The following RFX4 variants were observed in gnomAD, a reference collection of about 807,000 sequenced individuals.
The protein encoded by RFX4 is transcription factor RFX4.
Under a neutral mutation model 95.0 loss-of-function variants are expected in RFX4, and 10 were observed. The ratio of observed to expected loss-of-function variants is 0.11; its 90% CI spans 0.06 to 0.18. RFX4 has a LOEUF of 0.18. Ranked by LOEUF, RFX4 falls within the 10% of genes least tolerant of loss-of-function variation. RFX4 has a pLI of 1.00. For synonymous variants in RFX4, 321 were observed against 340.7 expected (o/e 0.94, Z 0.64); for missense variants, 640 against 922.0 (o/e 0.69, Z 3.96).
chr12:106,678,258 G>A (rs920966383), intron 4 of RFX4, among the ~76,000 whole-genome samples: 3 of 152,094 alleles, frequency 2.0e-5, no homozygotes, highest in Non-Finnish European at 2.9e-5. Flanking sequence ...GGCAACCCCT[G>A]GTACCTTCAC....
intron 17 of RFX4, among the ~76,000 whole-genome samples, chr12:106,756,280 T>C (rs937603502): frequency 4.6e-5 from 7 of 152,206 alleles, no homozygotes; most frequent in Non-Finnish European, 8.8e-5. Context: ...AGTACATAGC[T>C]ACAAAATCTT....
At chr12:106,658,225 T>A (rs1274472088) in intron 4 of RFX4, among the ~76,000 whole-genome samples, 1 of 152,220 alleles carries the variant, frequency 6.6e-6, no homozygotes, top group Non-Finnish European at 1.5e-5. Flanking sequence ...AATAACCCTA[T>A]GAAACTGGTG....
At chr12:106,667,338 T>C (rs1256642157) in intron 4 of RFX4, among the ~76,000 whole-genome samples, 2 of 152,226 alleles carry the variant, frequency 1.3e-5, no homozygotes, top group African/African-American at 4.8e-5. Context: ...GATTAGGCTC[T>C]GGTTAACTAG....
rs528744530 is a variant in RFX4, at chr12:106,720,018, G to C, written c.1197G>C (p.Glu399Asp). 4.3e-6 allele frequency: 7 copies of C among 1,614,238 alleles called. No homozygotes were observed. The highest frequency in any genetic ancestry group is 1.6e-4 in the Middle Eastern group (1 of 6,062). ...AGTCTCCCATCGAGTCCTACATTGA[G>C]TGGCTGGATACCATGGTTGACCGCT... Reference protein sequence around the residue: ...EEQSPIESYIEWLDTMVDRCV... With the variant: ...EEQSPIESYIDWLDTMVDRCV... Residue 399 changes from glutamate (E) to aspartate (D), a missense_variant, in exon 12 of 18, where the codon GAG becomes GAC. Transcript: ENST00000392842. The surrounding 1 kb of genome is among the most constrained non-coding windows in gnomAD (Gnocchi z 4.2).
chr12:106,750,565 G>GA (rs931692783), intron 16 of RFX4, 90 bp from the exon 17 acceptor site: 52 of 1,261,164 alleles, frequency 4.1e-5, no homozygotes, highest in African/African-American at 1.2e-4. Context: ...GAAGAAAAAG[G>GA]AAAAAAAATA....
At chr12:106,622,920 C>T (rs2040213738) in intron 2 of RFX4, among the ~76,000 whole-genome samples, 1 of 151,886 alleles carries the variant, frequency 6.6e-6, no homozygotes, top group Admixed American at 6.6e-5. Context: ...GCACCCTGCC[C>T]AAATTGCATT....
At chr12:106,640,517 T>C (rs918477055) in intron 3 of RFX4, among the ~76,000 whole-genome samples, 7 of 152,222 alleles carry the variant, frequency 4.6e-5, no homozygotes, top group Non-Finnish European at 1.0e-4. Flanking sequence ...GCTTCAAGAA[T>C]AGCAAAGGTT....
rs576272194 is a variant in RFX4 at position 106,622,607 on chromosome 12, C to T, written c.130+13724C>T. Among the ~76,000 whole-genome samples the T allele has an allele frequency of 1.2e-3, 176 of 149,864 alleles. 1 individual carries two copies. Among genetic ancestry groups the T allele is most frequent in the Non-Finnish European group, 1.8e-3 (119 of 67,820 alleles). On this transcript the variant is annotated intron_variant, in intron 2 of 17. Coordinates refer to ENST00000392842, the MANE Select transcript of RFX4 (RefSeq NM_213594.3). Reference sequence around the variant, plus strand: ...ATTCAAATTCCCTTCAAGTCCTTAGCCCACTCCAAGCTGCATTTTTTTTTT... The same window carrying T: ...ATTCAAATTCCCTTCAAGTCCTTAGTCCACTCCAAGCTGCATTTTTTTTTT...
rs78879973 is a variant in RFX4, at chr12:106,660,086, C to T, written c.315+5735C>T. 7.1e-3 allele frequency among the ~76,000 whole-genome samples: 1,077 copies of T among 152,128 alleles called. 15 individuals carry two copies. The highest frequency in any genetic ancestry group is 0.024 in the African/African-American group (1,005 of 41,500). On this transcript the variant is annotated intron_variant, in intron 4 of 17. Transcript: ENST00000392842. The stretch of plus-strand genomic sequence containing the variant: ...CTCTGGGGTACTGAGTACTAACTCC[C>T]TCAGCACCCGGGTTCATCCATTTAT...
chr12:106,718,832 C>T (rs1443324449), intron 11 of RFX4, among the ~76,000 whole-genome samples: 1 of 151,904 alleles, frequency 6.6e-6, no homozygotes, highest in Non-Finnish European at 1.5e-5. Context: ...CACTTCCAGC[C>T]GGGCGTGGTG....
At chr12:106,647,779 A>C (rs1466418543) in intron 3 of RFX4, among the ~76,000 whole-genome samples, 3 of 152,228 alleles carry the variant, frequency 2.0e-5, no homozygotes, top group African/African-American at 7.2e-5. Flanking sequence ...CCCCCACAAT[A>C]AAGGGCCTCA....
intron 3 of RFX4, among the ~76,000 whole-genome samples, chr12:106,641,951 CTATCTATATCTA>C (rs1200972708): frequency 6.9e-6 from 1 of 144,674 alleles, no homozygotes; most frequent in African/African-American, 2.7e-5. Context: ...ATGTCTATAT[CTATCTATATCTA>C]TATCTATCTA....
intron 15 of RFX4, among the ~76,000 whole-genome samples, chr12:106,735,710 C>G (rs1054051000): frequency 3.3e-5 from 5 of 151,350 alleles, no homozygotes; most frequent in South Asian, 2.1e-4. Context: ...TTTTTTCCCC[C>G]GTGAGGACAT....
chr12:106,604,339 C>T (rs964621093), intron 1 of RFX4, among the ~76,000 whole-genome samples: 3 of 152,012 alleles, frequency 2.0e-5, no homozygotes, highest in East Asian at 3.9e-4. Context: ...CCAGGCTGGT[C>T]TTGAACTCCT....
intron 2 of RFX4, among the ~76,000 whole-genome samples, chr12:106,634,711 C>T (rs2040478496): frequency 6.6e-6 from 1 of 152,152 alleles, no homozygotes; most frequent in Admixed American, 6.5e-5. Flanking sequence ...CCTTCTCCAC[C>T]CTACTCCTCA....
At chr12:106,607,240 T>A (rs1478431884) in intron 1 of RFX4, among the ~76,000 whole-genome samples, 2 of 152,140 alleles carry the variant, frequency 1.3e-5, no homozygotes, top group Admixed American at 6.5e-5. Flanking sequence ...ACCACTCAGT[T>A]TACTGGAAAA....
chr12:106,606,202 G>A (rs2039829210), intron 1 of RFX4, among the ~76,000 whole-genome samples: 1 of 152,172 alleles, frequency 6.6e-6, no homozygotes, highest in South Asian at 2.1e-4. Context: ...TCCAGTGCAG[G>A]CAAATGGGTG....
intron 1 of RFX4, among the ~76,000 whole-genome samples, chr12:106,595,984 G>A (rs887874876): frequency 3.9e-5 from 6 of 152,322 alleles, no homozygotes; most frequent in African/African-American, 1.4e-4. Flanking sequence ...ACAGGTCTTG[G>A]CACATTGTAA....
intron 4 of RFX4, among the ~76,000 whole-genome samples, chr12:106,666,497 T>C (rs1038929652): frequency 1.3e-5 from 2 of 152,178 alleles, no homozygotes; most frequent in Admixed American, 6.5e-5. Flanking sequence ...TTCACATATT[T>C]CTTTGCTTCT....
Sources: gnomAD v4.1 joint callset for allele counts (sites outside exome capture counted in the v4.1 genomes callset) on GRCh38, gnomAD v4.1.1 for gene constraint, Gnocchi (gnomAD v3.1) non-coding constraint, MANE v1.5 for transcripts, NCBI Gene and HGNC (gene_info 2026-07-23, HGNC 2026-07-21) for gene names.